Variants in DLGAP2 observed in about 807,000 individuals in gnomAD.
DLGAP2 encodes the protein disks large-associated protein 2.
Under a neutral mutation model 100.3 loss-of-function variants are expected in DLGAP2, and 26 were observed. That is an observed-to-expected ratio of 0.26 (90% CI 0.19 to 0.36). The LOEUF (loss-of-function observed/expected upper bound fraction) is 0.36. Among genes scored for constraint, DLGAP2 ranks in the 10% least tolerant of loss-of-function variants. DLGAP2 has a pLI of 1.00. For synonymous variants in DLGAP2, 886 were observed against 630.1 expected, an observed-to-expected ratio of 1.41 and a Z score of -6.08; for missense variants, 1,858 against 1,453.2, an observed-to-expected ratio of 1.28 and a Z score of -4.53.
chr8:1,221,478 G>C (rs534199265), intron 2 of DLGAP2, among the ~76,000 whole-genome samples: 4 of 152,290 alleles, frequency 2.6e-5, no homozygotes, highest in African/African-American at 9.6e-5. Context: ...CTGTTAGCCT[G>C]ATGGGGTTCC....
intron 5 of DLGAP2, among the ~76,000 whole-genome samples, chr8:1,550,133 C>A (rs1385748318): frequency 6.6e-6 from 1 of 152,196 alleles, no homozygotes. Context: ...TATCTGTGTG[C>A]GCCGGGCTCA....
chr8:879,928 A>T (rs994167578), intron 1 of DLGAP2, among the ~76,000 whole-genome samples: 1 of 152,120 alleles, frequency 6.6e-6, no homozygotes, highest in African/African-American at 2.4e-5. Flanking sequence ...TCCCTAATGG[A>T]ATTTTATATC....
At chr8:1,547,440 GCCATCGTGATGGT>G (rs1419026995) in intron 4 of DLGAP2, among the ~76,000 whole-genome samples, 1 of 152,010 alleles carries the variant, frequency 6.6e-6, no homozygotes, top group Non-Finnish European at 1.5e-5. Flanking sequence ...AGAGGAGGAG[GCCATCGTGATGGT>G]CCTGGTGACA....
chr8:1,190,485 C>A (rs569152904), intron 2 of DLGAP2, among the ~76,000 whole-genome samples: 1 of 152,160 alleles, frequency 6.6e-6, no homozygotes. Flanking sequence ...GCCGGGCAAT[C>A]TTTCCCGGCA....
At chr8:1,131,256 G>A (rs1003522055) in intron 2 of DLGAP2, among the ~76,000 whole-genome samples, 7 of 152,088 alleles carry the variant, frequency 4.6e-5, no homozygotes, top group East Asian at 1.9e-4. Context: ...CAGGAAAAAC[G>A]AGTGACTGGC....
chr8:1,232,938 A>T (rs1004346489), intron 2 of DLGAP2, among the ~76,000 whole-genome samples: 5 of 152,170 alleles, frequency 3.3e-5, no homozygotes, highest in Admixed American at 2.6e-4. Flanking sequence ...TTCTAGGCCC[A>T]CCCCCTGCCC....
At chr8:1,598,979 T>C (rs1273595419) in intron 6 of DLGAP2, among the ~76,000 whole-genome samples, 5 of 152,242 alleles carry the variant, frequency 3.3e-5, no homozygotes, top group Non-Finnish European at 7.3e-5. Context: ...TTTTAGATCT[T>C]TCCCACTTTC....
At chr8:743,116 C>T (rs1820526452) in intron 1 of DLGAP2, among the ~76,000 whole-genome samples, 1 of 152,058 alleles carries the variant, frequency 6.6e-6, no homozygotes, top group African/African-American at 2.4e-5. Flanking sequence ...TTGCCACTTT[C>T]CAAAAAGTTT....
chr8:1,506,626 A>C (rs1243436027), intron 4 of DLGAP2, among the ~76,000 whole-genome samples: 1 of 152,212 alleles, frequency 6.6e-6, no homozygotes, highest in African/African-American at 2.4e-5. Flanking sequence ...GTGCCGGCTC[A>C]GGCAGACTGC....
At chr8:1,629,607 G>C (rs1410993884) in intron 7 of DLGAP2, among the ~76,000 whole-genome samples, 1 of 152,254 alleles carries the variant, frequency 6.6e-6, no homozygotes, top group Non-Finnish European at 1.5e-5. Context: ...TCCATACACA[G>C]AGATGAGGAT....
At chr8:971,138 C>G (rs542016741) in intron 2 of DLGAP2, among the ~76,000 whole-genome samples, 1 of 152,030 alleles carries the variant, frequency 6.6e-6, no homozygotes, top group African/African-American at 2.4e-5. Flanking sequence ...TTTGTGGTTT[C>G]GAGGACACCA....
intron 1 of DLGAP2, among the ~76,000 whole-genome samples, chr8:840,715 T>C (rs1382724553): frequency 9.5e-5 from 11 of 115,398 alleles, no homozygotes; most frequent in East Asian, 2.9e-4. Context: ...CTGGATTCTG[T>C]GAGTGCATTT....
Position 1,293,581 on chromosome 8 carries a change from G to T in DLGAP2, c.106+34698G>T, listed in dbSNP as rs569020440. Among the ~76,000 whole-genome samples, 4 of 152,136 alleles carry T rather than the reference G, an allele frequency of 2.6e-5. No homozygotes were observed. The South Asian group carries it at 8.3e-4, about 32-fold the overall frequency. On this transcript the variant is annotated intron_variant, in intron 3 of 14. Coordinates refer to ENST00000637795, the MANE Select transcript of DLGAP2 (RefSeq NM_001346810.2). ...CCTACGTATTTCTTCATTTCCTTCT[G>T]TGCTAAAATTTATTTGTCACAGCCT...
intron 4 of DLGAP2, among the ~76,000 whole-genome samples, chr8:1,508,911 T>C (rs73540668): frequency 0.098 from 14,843 of 151,950 alleles, 2,029 homozygotes; most frequent in African/African-American, 0.3. Flanking sequence ...TTCTCAATGG[T>C]TTTCTGTTCT....
At chr8:1,083,688 T>C (rs1037986155) in intron 2 of DLGAP2, among the ~76,000 whole-genome samples, 1 of 152,340 alleles carries the variant, frequency 6.6e-6, no homozygotes, top group Admixed American at 6.5e-5. Flanking sequence ...TCTTTTGTTA[T>C]GGCACACGGT....
intron 3 of DLGAP2, among the ~76,000 whole-genome samples, chr8:1,386,840 A>T (rs968184214): frequency 6.6e-6 from 1 of 152,200 alleles, no homozygotes; most frequent in African/African-American, 2.4e-5. Flanking sequence ...ATGGAAAAAA[A>T]ATGCTATGAC....
chr8:1,010,890 C>T (rs890089964), intron 2 of DLGAP2, among the ~76,000 whole-genome samples: 17 of 151,720 alleles, frequency 1.1e-4, no homozygotes, highest in Admixed American at 6.6e-4. Flanking sequence ...GAGCCCCAGG[C>T]GAGGGGCCCC....
chr8:1,270,676 C>G (rs781708259), intron 3 of DLGAP2, among the ~76,000 whole-genome samples: 1 of 149,402 alleles, frequency 6.7e-6, no homozygotes, highest in Non-Finnish European at 1.5e-5. Flanking sequence ...CTGTGTGTGT[C>G]TCTCTATTTA....
chr8:1,634,745 C>G (rs181220971), intron 8 of DLGAP2, among the ~76,000 whole-genome samples: 4 of 152,156 alleles, frequency 2.6e-5, no homozygotes, highest in African/African-American at 9.6e-5. Context: ...ATCATTACCT[C>G]GTAGAAAAGG....
Sources: gnomAD v4.1 joint callset for allele counts (sites outside exome capture counted in the v4.1 genomes callset) on GRCh38, gnomAD v4.1.1 for gene constraint, MANE v1.5 for transcripts, NCBI Gene and HGNC (gene_info 2026-07-23, HGNC 2026-07-21) for gene names.